KCNH5: variants seen among roughly 807,000 people sequenced by gnomAD.
KCNH5 encodes the protein potassium voltage-gated channel subfamily H member 5.
KCNH5 carries 46 observed loss-of-function variants against 96.1 expected under a neutral mutation model. The observed-to-expected ratio is 0.48, with a 90% CI of 0.38 to 0.61. The LOEUF is 0.61. KCNH5 is among the 20% of genes least tolerant of loss of function. KCNH5 has a pLI of 0.00. For synonymous variants in KCNH5, 439 were observed against 449.8 expected (o/e 0.98, Z 0.30); for missense variants, 907 against 1,225.8 (o/e 0.74, Z 3.88).
intron 8 of KCNH5, among the ~76,000 whole-genome samples, chr14:62,817,862 T>G (rs1003390069): frequency 1.5e-5 from 2 of 131,908 alleles, no homozygotes; most frequent in African/African-American, 5.8e-5. Context: ...TACACATACA[T>G]ACATATACAT....
intron 7 of KCNH5, among the ~76,000 whole-genome samples, chr14:62,886,338 T>A (rs536800414): frequency 2.0e-5 from 3 of 152,332 alleles, no homozygotes; most frequent in African/African-American, 7.2e-5. Context: ...TGTGCTTTGA[T>A]TTTTATATTG....
In KCNH5 at chr14:62,943,388, C is replaced by T. The variant is rs17100557; in HGVS notation, c.1369+6745G>A. 4.1e-3 allele frequency among the ~76,000 whole-genome samples: 618 copies of T among 152,260 alleles called. 4 individuals carry two copies. Among genetic ancestry groups the T allele is most frequent in the African/African-American group, 0.012 (506 of 41,552 alleles). ...GTCATCAAAATAAATCATCCACGTA[C>T]TATGGTGCCTTCTGAATAGCAGCAA... is the stretch of plus-strand genomic sequence containing the variant. On this transcript the variant is annotated intron_variant, in intron 7 of 10. Coordinates refer to ENST00000322893, the MANE Select transcript of KCNH5 (RefSeq NM_139318.5).
At chr14:62,979,117 T>A (rs1369620832) in intron 6 of KCNH5, among the ~76,000 whole-genome samples, 1 of 152,200 alleles carries the variant, frequency 6.6e-6, no homozygotes, top group African/African-American at 2.4e-5. Flanking sequence ...AGATTCCACA[T>A]GAGTGATTGC....
chr14:62,793,725 T>C (rs1886482751), intron 9 of KCNH5, among the ~76,000 whole-genome samples: 1 of 151,780 alleles, frequency 6.6e-6, no homozygotes, highest in South Asian at 2.1e-4. Flanking sequence ...AAACATTTGC[T>C]TTATGCTGTG....
At chr14:62,911,490 T>C (rs192425989) in intron 7 of KCNH5, among the ~76,000 whole-genome samples, 6 of 152,144 alleles carry the variant, frequency 3.9e-5, no homozygotes, top group Admixed American at 1.3e-4. Context: ...CTGAAATTCA[T>C]ACAGAAGAGT....
At chr14:62,971,461 C>T (rs1442588574) in intron 6 of KCNH5, among the ~76,000 whole-genome samples, 1 of 151,876 alleles carries the variant, frequency 6.6e-6, no homozygotes, top group African/African-American at 2.4e-5. Context: ...AACAAAAATC[C>T]AATTAAGAAC....
At chr14:63,021,237 C>G (rs1891420538) in intron 1 of KCNH5, among the ~76,000 whole-genome samples, 1 of 152,036 alleles carries the variant, frequency 6.6e-6, no homozygotes, top group East Asian at 1.9e-4. Context: ...CTTCCTGTAT[C>G]CTATCATTCT....
At chr14:62,882,205 A>G (rs1001601485) in intron 7 of KCNH5, among the ~76,000 whole-genome samples, 1 of 151,086 alleles carries the variant, frequency 6.6e-6, no homozygotes, top group African/African-American at 2.4e-5. Flanking sequence ...TCAAGGCTGC[A>G]GTGAGCTAGA....
At chr14:62,809,040 T>G (rs1886823780) in intron 8 of KCNH5, among the ~76,000 whole-genome samples, 1 of 152,138 alleles carries the variant, frequency 6.6e-6, no homozygotes, top group Admixed American at 6.6e-5. Context: ...TGAATTAACT[T>G]AACCAATAGA....
At chr14:62,909,489 A>G (rs917710565) in intron 7 of KCNH5, among the ~76,000 whole-genome samples, 3 of 152,228 alleles carry the variant, frequency 2.0e-5, no homozygotes, top group African/African-American at 7.2e-5. Flanking sequence ...ATTAAAAGAA[A>G]CATCATGATC....
At chr14:63,030,597 G>A (rs1891606703) in intron 1 of KCNH5, among the ~76,000 whole-genome samples, 1 of 152,146 alleles carries the variant, frequency 6.6e-6, no homozygotes, top group South Asian at 2.1e-4. Flanking sequence ...CCACCTAGGA[G>A]TTATTCATCC....
At chr14:63,028,459 A>G (rs1316872128) in intron 1 of KCNH5, among the ~76,000 whole-genome samples, 1 of 152,140 alleles carries the variant, frequency 6.6e-6, no homozygotes, top group Non-Finnish European at 1.5e-5. Flanking sequence ...TCCTTCACTG[A>G]TCACTCATCA....
chr14:62,776,235 C>T (rs992833950), intron 10 of KCNH5, among the ~76,000 whole-genome samples: 1 of 151,822 alleles, frequency 6.6e-6, no homozygotes, highest in Non-Finnish European at 1.5e-5. Context: ...CCACTGCACT[C>T]CAGCCTGGGT....
chr14:62,845,212 G>A (rs867427743), intron 8 of KCNH5, among the ~76,000 whole-genome samples: 13 of 152,048 alleles, frequency 8.5e-5, no homozygotes, highest in African/African-American at 2.7e-4. Context: ...CAGAGGTCTC[G>A]AACATTAAAT....
At chr14:62,872,461 C>T (rs59620693) in intron 7 of KCNH5, among the ~76,000 whole-genome samples, 1,962 of 152,164 alleles carry the variant, frequency 0.013, 38 homozygotes, top group African/African-American at 0.044. Flanking sequence ...GAGGCTGAGG[C>T]GTGCAGATCA....
At position 62,703,148 on chromosome 14, in the gene KCNH5, A is replaced by G. The variant is rs1193903583; in HGVS notation, c.*4360T>C. ...CTCTCTCTTCTGTCAAAGGAGCTTCATTCTTTCCACGTTTATTTGATTTGT... is the reference window on the plus strand; with the variant it reads ...CTCTCTCTTCTGTCAAAGGAGCTTCGTTCTTTCCACGTTTATTTGATTTGT... On this transcript the variant is annotated 3_prime_UTR_variant, in exon 11 of 11. Transcript: ENST00000322893. 1 of 151,866 alleles carries G rather than the reference A, an allele frequency of 6.6e-6. No individual in the cohort carries two copies. The allele number at this position is 151,866 out of a possible 1,614,324, so 9.4% of individuals were successfully genotyped here.
chr14:62,925,253 G>A (rs1183852948), intron 7 of KCNH5, among the ~76,000 whole-genome samples: 1 of 151,878 alleles, frequency 6.6e-6, no homozygotes, highest in African/African-American at 2.4e-5. Flanking sequence ...AAAGACATAT[G>A]TTTTGCTAGC....
intron 7 of KCNH5, among the ~76,000 whole-genome samples, chr14:62,893,517 A>G (rs1888752113): frequency 2.0e-5 from 3 of 152,214 alleles, no homozygotes; most frequent in African/African-American, 7.2e-5. Flanking sequence ...GCACTTTGGG[A>G]GGCCGAAGTA....
intron 1 of KCNH5, among the ~76,000 whole-genome samples, chr14:63,022,682 C>T (rs1386391766): frequency 6.6e-6 from 1 of 152,112 alleles, no homozygotes; most frequent in Non-Finnish European, 1.5e-5. Context: ...TCTCTCCCAG[C>T]ATAAGGACTT....
Sources: allele counts gnomAD v4.1 joint callset (sites outside exome capture counted in the v4.1 genomes callset), GRCh38; gene constraint gnomAD v4.1.1; transcripts MANE v1.5; gene names NCBI Gene and HGNC (gene_info 2026-07-23, HGNC 2026-07-21).